The following NRL variants were observed in gnomAD, a reference collection of about 807,000 sequenced individuals.
NRL encodes neural retina-specific leucine zipper protein.
NRL carries 16 observed loss-of-function variants against 12.5 expected under a neutral mutation model. That is an observed-to-expected ratio of 1.28 (90% CI 0.87 to 1.95). NRL has a LOEUF of 1.95. Among genes scored for constraint, NRL ranks in the 30% most tolerant of loss-of-function variants. NRL has a pLI of 0.00. For synonymous variants in NRL, 142 were observed against 150.9 expected (o/e 0.94, Z 0.43); for missense variants, 314 against 325.8 (o/e 0.96, Z 0.28).
At chr14:24,087,125 A>G (rs1299769399) in intron 1 of NRL, among the ~76,000 whole-genome samples, 1 of 151,936 alleles carries the variant, frequency 6.6e-6, no homozygotes, top group Non-Finnish European at 1.5e-5. Flanking sequence ...GATAGAGGAC[A>G]GGACAAGTCA....
intron 1 of NRL, chr14:24,099,741 AC>A (rs777307491): frequency 1.8e-5 from 29 of 1,608,460 alleles, no homozygotes; most frequent in Non-Finnish European, 2.1e-5. Flanking sequence ...CTCAGATCAT[AC>A]TCTTGGTTCT....
rs747284087 is a variant in NRL, at chr14:24,099,514, C to A, written c.-28+15208G>T. On this transcript the variant is annotated intron_variant, in intron 1 of 2. Coordinates refer to ENST00000561028, the MANE Select transcript of NRL (RefSeq NM_001354768.3). Reference sequence around the variant, plus strand: ...CTTCCCCATGCAGACCATGCCCTGACTTTTGGTGACCTCTTTCTTATTCCC... The same window carrying A: ...CTTCCCCATGCAGACCATGCCCTGAATTTTGGTGACCTCTTTCTTATTCCC... 3.9e-6 allele frequency: 6 copies of A among 1,537,556 alleles called. 1 individual carries two copies. In the South Asian group the frequency reaches 7.7e-5, roughly 20 times the overall value.
intron 1 of NRL, among the ~76,000 whole-genome samples, chr14:24,101,391 C>G (rs2037156043): frequency 6.6e-6 from 1 of 152,164 alleles, no homozygotes; most frequent in South Asian, 2.1e-4. Context: ...CCAGGTCTGA[C>G]CAGCAACCTC....
intron 1 of NRL, chr14:24,098,328 G>A: frequency 6.2e-7 from 1 of 1,614,022 alleles, no homozygotes; most frequent in Non-Finnish European, 8.5e-7. Flanking sequence ...CTGGGCAACT[G>A]GATGTCCCCA....
intron 1 of NRL, chr14:24,097,103 G>A (rs1489804962): frequency 6.2e-7 from 1 of 1,613,820 alleles, no homozygotes; most frequent in Admixed American, 1.7e-5. Flanking sequence ...GGAGCAGCAG[G>A]GCCTCATCCG....
At chr14:24,095,791 C>T (rs966560762) in intron 1 of NRL, among the ~76,000 whole-genome samples, 1 of 152,328 alleles carries the variant, frequency 6.6e-6, no homozygotes, top group Middle Eastern at 3.4e-3. Flanking sequence ...CATGAGAGGA[C>T]AGACAACAGG....
At chr14:24,105,905 A>C (rs879892889) in intron 1 of NRL, among the ~76,000 whole-genome samples, 1 of 152,194 alleles carries the variant, frequency 6.6e-6, no homozygotes, top group Non-Finnish European at 1.5e-5. Context: ...ACTCTGTCTC[A>C]AAAAAATAAA....
intron 1 of NRL, chr14:24,099,264 C>G: frequency 6.4e-7 from 1 of 1,574,358 alleles, no homozygotes; most frequent in Non-Finnish European, 8.6e-7. Flanking sequence ...AGCAGGGCAG[C>G]TGCCGGGGAC....
At position 24,099,605 on chromosome 14, in the gene NRL, C is replaced by T. The variant is rs764808367; in HGVS notation, c.-28+15117G>A. On this transcript the variant is annotated intron_variant, in intron 1 of 2. Transcript: ENST00000561028. ...CAGGGAAGAAGCGCTATGTGGCAGC[C>T]GCCTTCCCTAGTGCCTGTGGCAAGA... The T allele has an allele frequency of 1.2e-5, 20 of 1,612,692 alleles. No individual in the cohort carries two copies. In the East Asian group the frequency reaches 2.2e-4, roughly 18 times the overall value.
intron 1 of NRL, among the ~76,000 whole-genome samples, chr14:24,108,322 GT>G (rs2037369378): frequency 6.6e-6 from 1 of 152,140 alleles, no homozygotes; most frequent in South Asian, 2.1e-4. Flanking sequence ...ATACTGACAT[GT>G]TCTATTCAAA....
intron 1 of NRL, chr14:24,099,761 T>G (rs143706423): frequency 9.4e-5 from 149 of 1,577,892 alleles, no homozygotes; most frequent in Admixed American, 8.3e-5. Context: ...CTGGCTCTTG[T>G]CAGAGCCTCG....
rs141669577 is a variant in NRL, at chr14:24,110,952, T to G, written c.-28+3770A>C. 2.4e-3 allele frequency among the ~76,000 whole-genome samples: 359 copies of G among 152,332 alleles called. 2 individuals carry two copies. Among genetic ancestry groups the G allele is most frequent in the East Asian group, 0.012 (62 of 5,188 alleles). ...AAATAGACATCCAGGTTTGGAAGTT[T>G]GTATTTGAAACAATGAACAATAGTG... On this transcript the variant is annotated intron_variant, in intron 1 of 2. Transcript: ENST00000561028.
At chr14:24,098,072 T>G (rs910699805) in intron 1 of NRL, 6 of 721,018 alleles carry the variant, frequency 8.3e-6, no homozygotes, top group South Asian at 1.9e-5. Flanking sequence ...AGGAAGGGAC[T>G]GAGATGTGAT....
intron 1 of NRL, chr14:24,104,019 G>A: frequency 7.6e-7 from 1 of 1,315,818 alleles, no homozygotes; most frequent in Non-Finnish European, 1.1e-6. Flanking sequence ...GAATAGGGAA[G>A]GCACCTTGCA....
At chr14:24,099,439 C>T in intron 1 of NRL, 1 of 1,076,208 alleles carries the variant, frequency 9.3e-7, no homozygotes, top group Non-Finnish European at 1.3e-6. Flanking sequence ...GCAGGGCAAT[C>T]ACTTATATAG....
rs772097352 is a variant in NRL at position 24,085,339 on chromosome 14, C to T, written c.-27-2464G>A. Among the ~76,000 whole-genome samples, 12 of 152,230 alleles carry T rather than the reference C, an allele frequency of 7.9e-5. No homozygotes were observed. The highest frequency in any genetic ancestry group is 2.1e-4 in the South Asian group (1 of 4,830). ...CTAATCACCACCAGTCCGTCGGAGACACTTTTGTAACTGGCCTCATATGCC... is the reference window on the plus strand; with the variant it reads ...CTAATCACCACCAGTCCGTCGGAGATACTTTTGTAACTGGCCTCATATGCC... On this transcript the variant is annotated intron_variant, in intron 1 of 2. Transcript: ENST00000561028. This position sits in a 1 kb window ranked among gnomAD's most constrained non-coding sequence, Gnocchi z 4.1.
At chr14:24,109,958 TAAG>T (rs2037393950) in intron 1 of NRL, among the ~76,000 whole-genome samples, 1 of 152,212 alleles carries the variant, frequency 6.6e-6, no homozygotes, top group South Asian at 2.1e-4. Flanking sequence ...AATGAATTGT[TAAG>T]GAGATAAGTT....
rs28420107 is a variant in NRL, at chr14:24,093,700, C to T, written c.-27-10825G>A. On this transcript the variant is annotated intron_variant, in intron 1 of 2. Coordinates refer to ENST00000561028, the MANE Select transcript of NRL (RefSeq NM_001354768.3). ...TCCGTCAGGGGAAGAGGGGATGTGC[C>T]GGGGGAGGAGAATGACCAGATCAGA... Among the ~76,000 whole-genome samples the T allele has an allele frequency of 8.2e-3, 1,241 of 152,028 alleles. 18 individuals are homozygous for T. The highest frequency in any genetic ancestry group is 0.028 in the African/African-American group (1,164 of 41,456).
At chr14:24,098,320 G>A in intron 1 of NRL, 1 of 1,614,090 alleles carries the variant, frequency 6.2e-7, no homozygotes, top group Non-Finnish European at 8.5e-7. Context: ...GTGGGCAGCT[G>A]GGCAACTGGA....
Sources: allele counts gnomAD v4.1 joint callset (sites outside exome capture counted in the v4.1 genomes callset), GRCh38; gene constraint gnomAD v4.1.1; non-coding constraint Gnocchi (gnomAD v3.1); transcripts MANE v1.5; gene names NCBI Gene and HGNC (gene_info 2026-07-23, HGNC 2026-07-21).